Variants in CNTN4 observed in about 807,000 individuals in gnomAD.
CNTN4 encodes contactin-4.
Under a neutral mutation model 122.5 loss-of-function variants are expected in CNTN4, and 77 were observed. That is an observed-to-expected ratio of 0.63 (90% CI 0.52 to 0.76). The LOEUF (loss-of-function observed/expected upper bound fraction) is 0.76, where lower values mean the gene tolerates loss of function less well. Ranked by LOEUF, CNTN4 falls within the 30% of genes least tolerant of loss-of-function variation. The pLI, the probability that CNTN4 is intolerant of heterozygous loss-of-function variation, is 0.00. For missense variants in CNTN4, 1,256 were observed against 1,259.1 expected (o/e 1.00, Z 0.04); for synonymous variants, 512 against 447.0 (o/e 1.15, Z -1.83).
intron 4 of CNTN4, among the ~76,000 whole-genome samples, chr3:2,594,454 T>C (rs2080663396): frequency 6.7e-6 from 1 of 150,366 alleles, no homozygotes; most frequent in South Asian, 2.1e-4. Context: ...AGTCTTGCTT[T>C]GTCAGCCAGG....
At chr3:2,288,126 T>C (rs1416453941) in intron 2 of CNTN4, among the ~76,000 whole-genome samples, 10 of 152,202 alleles carry the variant, frequency 6.6e-5, no homozygotes, top group African/African-American at 2.2e-4. Context: ...GAAATGCATT[T>C]GAAAGGAAAA....
At chr3:2,653,524 A>C (rs201815549) in intron 4 of CNTN4, among the ~76,000 whole-genome samples, 2 of 152,214 alleles carry the variant, frequency 1.3e-5, no homozygotes, top group East Asian at 3.9e-4. Flanking sequence ...GACTTACCAA[A>C]TAATATAGTT....
intron 4 of CNTN4, among the ~76,000 whole-genome samples, chr3:2,675,628 T>C (rs936217404): frequency 2.0e-5 from 3 of 152,136 alleles, no homozygotes; most frequent in Non-Finnish European, 2.9e-5. Flanking sequence ...TAGAAAAAGG[T>C]CTGGCACATA....
At chr3:2,790,566 T>C (rs1030769724) in intron 6 of CNTN4, among the ~76,000 whole-genome samples, 2 of 152,150 alleles carry the variant, frequency 1.3e-5, no homozygotes, top group African/African-American at 4.8e-5. Flanking sequence ...AGTGTTCTGC[T>C]TGAGAACTTT....
chr3:2,300,697 G>A (rs148916392), intron 2 of CNTN4, among the ~76,000 whole-genome samples: 2,431 of 149,082 alleles, frequency 0.016, 65 homozygotes, highest in African/African-American at 0.057. Flanking sequence ...TCAGCCTCTC[G>A]AGTAGCTGGG....
chr3:2,777,726 C>A (rs991704529), intron 6 of CNTN4, among the ~76,000 whole-genome samples: 1 of 152,194 alleles, frequency 6.6e-6, no homozygotes, highest in Non-Finnish European at 1.5e-5. Context: ...AATGTATGTC[C>A]TTTTACCTAG....
intron 3 of CNTN4, among the ~76,000 whole-genome samples, chr3:2,364,883 C>T (rs1446640687): frequency 6.6e-6 from 1 of 152,102 alleles, no homozygotes; most frequent in Non-Finnish European, 1.5e-5. Flanking sequence ...TTTTTGTTCT[C>T]TCTGAAATAT....
At chr3:2,748,572 T>C (rs920492419) in intron 6 of CNTN4, among the ~76,000 whole-genome samples, 10 of 152,224 alleles carry the variant, frequency 6.6e-5, no homozygotes, top group African/African-American at 2.2e-4. Flanking sequence ...ATTAAACCTT[T>C]AATTTAATAT....
intron 12 of CNTN4, among the ~76,000 whole-genome samples, chr3:2,917,895 G>A (rs547552543): frequency 7.3e-4 from 96 of 131,186 alleles, no homozygotes; most frequent in Non-Finnish European, 1.3e-3. Flanking sequence ...ACCTCTATCA[G>A]TCATGTGAGG....
At chr3:2,756,812 A>G (rs1053003163) in intron 6 of CNTN4, among the ~76,000 whole-genome samples, 3 of 152,176 alleles carry the variant, frequency 2.0e-5, no homozygotes, top group Admixed American at 1.3e-4. Context: ...GCAGGGAAAG[A>G]TTCTCTCCTA....
chr3:2,446,939 A>T (rs535733521), intron 3 of CNTN4, among the ~76,000 whole-genome samples: 11 of 152,294 alleles, frequency 7.2e-5, no homozygotes, highest in African/African-American at 2.6e-4. Context: ...TATACTAGTA[A>T]ACTGGGGTAG....
chr3:2,186,447 T>A (rs1005162227), intron 2 of CNTN4, among the ~76,000 whole-genome samples: 2 of 152,182 alleles, frequency 1.3e-5, no homozygotes, highest in African/African-American at 4.8e-5. Flanking sequence ...TATATACCCA[T>A]TAATGGGATG....
At chr3:2,244,613 C>G (rs987193379) in intron 2 of CNTN4, among the ~76,000 whole-genome samples, 1 of 152,018 alleles carries the variant, frequency 6.6e-6, no homozygotes, top group Non-Finnish European at 1.5e-5. Context: ...TATCTCTTTA[C>G]TTTTTAACTG....
chr3:2,491,502 A>G lies in CNTN4; in HGVS notation c.-88-79914A>G, dbSNP rs946190181. Reference sequence around the variant, plus strand: ...TTATACTTAAAAAATATTTTTCTGAACGTGTAAGCACTTTCACAAGAAACT... The same window carrying G: ...TTATACTTAAAAAATATTTTTCTGAGCGTGTAAGCACTTTCACAAGAAACT... On this transcript the variant is annotated intron_variant, in intron 3 of 24. Coordinates refer to ENST00000418658, the MANE Select transcript of CNTN4 (RefSeq NM_175607.3). Among the ~76,000 whole-genome samples, 3 of 152,184 alleles carry G rather than the reference A, an allele frequency of 2.0e-5. No individual in the cohort carries two copies. The East Asian group carries it at 5.8e-4, about 29-fold the overall frequency.
At chr3:3,028,641 C>G (rs775650663) in intron 15 of CNTN4, among the ~76,000 whole-genome samples, 1 of 152,140 alleles carries the variant, frequency 6.6e-6, no homozygotes, top group Non-Finnish European at 1.5e-5. Context: ...CTTCCCTGCA[C>G]GCATCCCCTG....
At chr3:2,662,947 C>T (rs553980566) in intron 4 of CNTN4, among the ~76,000 whole-genome samples, 1 of 151,756 alleles carries the variant, frequency 6.6e-6, no homozygotes, top group Non-Finnish European at 1.5e-5. Flanking sequence ...TTTTAGTATA[C>T]AAAAATTAGC....
At chr3:2,382,946 G>A (rs1419721084) in intron 3 of CNTN4, among the ~76,000 whole-genome samples, 1 of 152,034 alleles carries the variant, frequency 6.6e-6, no homozygotes, top group South Asian at 2.1e-4. Context: ...ATGGTGGCAG[G>A]CGCCTGTAAT....
chr3:3,054,009 C>A, intron 24 of CNTN4, 34 bp downstream of exon 24: 1 of 1,607,780 alleles, frequency 6.2e-7, no homozygotes, highest in Non-Finnish European at 8.5e-7. Flanking sequence ...TTTTCTCCTG[C>A]CTGTCTTATC....
At chr3:2,529,733 A>G (rs2077528659) in intron 3 of CNTN4, among the ~76,000 whole-genome samples, 1 of 151,896 alleles carries the variant, frequency 6.6e-6, no homozygotes, top group Non-Finnish European at 1.5e-5. Flanking sequence ...GATCGTCTTT[A>G]CTCTTGTTTG....
Sources: allele counts gnomAD v4.1 joint callset (sites outside exome capture counted in the v4.1 genomes callset), GRCh38; gene constraint gnomAD v4.1.1; transcripts MANE v1.5; gene names NCBI Gene and HGNC (gene_info 2026-07-23, HGNC 2026-07-21).